DCDC1: variants seen among roughly 807,000 people sequenced by gnomAD.
The protein encoded by DCDC1 is doublecortin domain containing 1, also known as doublecortin domain-containing protein 1.
Under a neutral mutation model 178.3 loss-of-function variants are expected in DCDC1, and 200 were observed. The observed-to-expected ratio is 1.12, with a 90% CI of 1.00 to 1.26. DCDC1 has a LOEUF of 1.26. DCDC1 is among the 50% of genes most tolerant of loss of function. The pLI is 0.00. For synonymous variants in DCDC1, 690 were observed against 604.8 expected (o/e 1.14, Z -2.07); for missense variants, 1,983 against 1,749.2 (o/e 1.13, Z -2.38).
chr11:30,904,939 C>T, intron 31 of DCDC1, 22 bp downstream of exon 31: 2 of 1,612,516 alleles, frequency 1.2e-6, no homozygotes. Context: ...ATGCAAGCAG[C>T]ATTTAAGTGA....
chr11:30,915,781 G>A, intron 26 of DCDC1, 70 bp from the exon 27 acceptor site: 2 of 1,494,308 alleles, frequency 1.3e-6, no homozygotes, highest in Non-Finnish European at 9.1e-7. Flanking sequence ...TTGATGTGCT[G>A]GAGATTATAA....
At chr11:31,121,626 T>C (rs557492183) in intron 11 of DCDC1, among the ~76,000 whole-genome samples, 44 of 151,670 alleles carry the variant, frequency 2.9e-4, no homozygotes, top group Middle Eastern at 3.4e-3. Context: ...AAGAACACCA[T>C]ATACAATATG....
At chr11:31,213,046 CA>C (rs1972811406) in intron 9 of DCDC1, among the ~76,000 whole-genome samples, 2 of 149,280 alleles carry the variant, frequency 1.3e-5, no homozygotes, top group South Asian at 4.3e-4. Flanking sequence ...TTAGATGATC[CA>C]GACATAGACA....
chr11:31,276,524 A>G (rs958364206), intron 7 of DCDC1, among the ~76,000 whole-genome samples: 1 of 152,140 alleles, frequency 6.6e-6, no homozygotes. Context: ...TGAATTTTCC[A>G]AGAATTAAAA....
intron 27 of DCDC1, among the ~76,000 whole-genome samples, chr11:30,913,560 A>G (rs932104288): frequency 2.0e-5 from 3 of 152,164 alleles, no homozygotes; most frequent in African/African-American, 7.2e-5. Context: ...GGATCAACCA[A>G]TATCACCATC....
intron 20 of DCDC1, among the ~76,000 whole-genome samples, chr11:30,960,287 A>G (rs529088157): frequency 2.8e-4 from 42 of 152,270 alleles, no homozygotes; most frequent in South Asian, 2.7e-3. Context: ...CAGTGCCTAT[A>G]TAACTTCAGC....
rs538744286 is a variant in DCDC1 at position 30,990,990 on chromosome 11, A to T, written c.2592-38422T>A. 3.3e-5 allele frequency among the ~76,000 whole-genome samples: 5 copies of T among 152,292 alleles called. No individual in the cohort carries two copies. In the East Asian group the frequency reaches 9.7e-4, roughly 29 times the overall value. On this transcript the variant is annotated intron_variant, in intron 20 of 38. Transcript: ENST00000684477. ...TCCTGGTATCATACAGTCACATTTA[A>T]GTGAGAGTTACGAGGAAAAGCTGAT...
intron 1 of DCDC1, among the ~76,000 whole-genome samples, chr11:31,346,229 A>G (rs1950803431): frequency 6.6e-6 from 1 of 152,068 alleles, no homozygotes; most frequent in Admixed American, 6.6e-5. Context: ...CAAGAATCAT[A>G]GGAGGGTGGA....
At chr11:31,137,926 A>T (rs1591179596) in intron 9 of DCDC1, 142 bp from the exon 10 acceptor site, 1 of 548,894 alleles carries the variant, frequency 1.8e-6, no homozygotes, top group East Asian at 3.0e-5. Context: ...TAAACTCTGA[A>T]TTTCATTTTT....
chr11:31,102,168 A>G lies in DCDC1; in HGVS notation c.1983+9T>C, dbSNP rs1170237326. ...TGCACCTTTTAAAGTACAATAACTAAAATCCCACCTTGTTCTGTAGAAAAT... is the reference window on the plus strand; with the variant it reads ...TGCACCTTTTAAAGTACAATAACTAGAATCCCACCTTGTTCTGTAGAAAAT... On this transcript the variant is annotated intron_variant, in intron 15 of 38. Transcript: ENST00000684477. 1 of 684,372 alleles carries G rather than the reference A, an allele frequency of 1.5e-6. No individual in the cohort carries two copies. Among genetic ancestry groups the G allele is most frequent in the East Asian group, 2.5e-5 (1 of 39,286 alleles). 42.4% of individuals were successfully genotyped at this position (684,372 alleles called of 1,614,324 possible). A position where few individuals can be genotyped will look rare whatever the true frequency, so the allele number is the denominator to read the frequency against.
intron 20 of DCDC1, among the ~76,000 whole-genome samples, chr11:31,032,101 G>A (rs1365874042): frequency 1.3e-5 from 2 of 151,918 alleles, no homozygotes; most frequent in African/African-American, 4.8e-5. Context: ...TGATAAGTGG[G>A]GCCAAATCCC....
chr11:30,940,153 T>C (rs944073371), intron 21 of DCDC1, among the ~76,000 whole-genome samples: 8 of 152,210 alleles, frequency 5.3e-5, no homozygotes, highest in Admixed American at 5.2e-4. Context: ...CTTATGTTAA[T>C]CATTTGTCTT....
At chr11:31,201,758 T>G (rs1971313212) in intron 9 of DCDC1, among the ~76,000 whole-genome samples, 1 of 151,748 alleles carries the variant, frequency 6.6e-6, no homozygotes, top group Non-Finnish European at 1.5e-5. Context: ...TTGCAAGAGT[T>G]GGACAGGGGT....
intron 1 of DCDC1, among the ~76,000 whole-genome samples, chr11:31,358,997 T>C (rs1317017207): frequency 6.6e-6 from 1 of 152,194 alleles, no homozygotes; most frequent in Non-Finnish European, 1.5e-5. Flanking sequence ...GACTGTAAAC[T>C]AGTTCCACCA....
At chr11:31,095,247 T>C (rs911828122) in intron 15 of DCDC1, among the ~76,000 whole-genome samples, 6 of 152,198 alleles carry the variant, frequency 3.9e-5, no homozygotes, top group Non-Finnish European at 1.5e-5. Context: ...ACAATAAACA[T>C]ACATGTGCAT....
Position 31,146,539 on chromosome 11 carries a change from C to T in DCDC1, c.1222-8755G>A, listed in dbSNP as rs112879503. ...GGAAGGGGCCTCTGATGTTGTGCTG[C>T]CCTTTGGAATGTACACATTGACACA... On this transcript the variant is annotated intron_variant, in intron 9 of 38. Transcript: ENST00000684477. Among the ~76,000 whole-genome samples the T allele has an allele frequency of 8.3e-3, 1,258 of 152,242 alleles. 22 individuals are homozygous for T. Among genetic ancestry groups the T allele is most frequent in the African/African-American group, 0.029 (1,204 of 41,554 alleles).
chr11:30,887,365 C>T (rs1299882765), intron 36 of DCDC1, among the ~76,000 whole-genome samples: 1 of 152,152 alleles, frequency 6.6e-6, no homozygotes, highest in African/African-American at 2.4e-5. Context: ...ACTTGCGATG[C>T]TGTGATGCTT....
intron 20 of DCDC1, among the ~76,000 whole-genome samples, chr11:31,026,400 T>C (rs758305487): frequency 2.6e-5 from 4 of 151,952 alleles, no homozygotes; most frequent in Non-Finnish European, 5.9e-5. Context: ...CAAGACGTTA[T>C]GGAATAGTAA....
intron 8 of DCDC1, among the ~76,000 whole-genome samples, chr11:31,252,883 G>A (rs893767062): frequency 6.6e-6 from 1 of 152,016 alleles, no homozygotes; most frequent in African/African-American, 2.4e-5. Flanking sequence ...ACTTGTTGCA[G>A]ACAATTTAGA....
Sources: allele counts gnomAD v4.1 joint callset (sites outside exome capture counted in the v4.1 genomes callset), GRCh38; gene constraint gnomAD v4.1.1; transcripts MANE v1.5; gene names NCBI Gene and HGNC (gene_info 2026-07-23, HGNC 2026-07-21).